TEX9: variants seen among roughly 807,000 people sequenced by gnomAD.
The protein encoded by TEX9 is testis expressed 9, also known as testis-expressed protein 9.
In TEX9, 74 loss-of-function variants were observed where a neutral mutation model predicts 59.6. The observed-to-expected ratio is 1.24, with a 90% CI of 1.03 to 1.51. TEX9 has a LOEUF of 1.51. Among genes scored for constraint, TEX9 ranks in the 40% most tolerant of loss-of-function variants. The pLI, the probability that TEX9 is intolerant of heterozygous loss-of-function variation, is 0.00. For synonymous variants in TEX9, 186 were observed against 152.2 expected (o/e 1.22, Z -1.64); for missense variants, 522 against 447.8 (o/e 1.17, Z -1.49).
At chr15:56,303,633 G>A (rs2045411667) in intron 1 of TEX9, among the ~76,000 whole-genome samples, 1 of 151,740 alleles carries the variant, frequency 6.6e-6, no homozygotes, top group Non-Finnish European at 1.5e-5. Context: ...TAAAGAACTA[G>A]AAAAGCAAAA....
chr15:56,448,561 T>A (rs1567152599), downstream of TEX9, among the ~76,000 whole-genome samples: 1 of 152,190 alleles, frequency 6.6e-6, no homozygotes, highest in Admixed American at 6.5e-5. Context: ...GCAAAGGACA[T>A]AATTTCATTG....
At chr15:56,442,771 A>ACTACCTAT (rs1197270863) in intron 12 of TEX9, among the ~76,000 whole-genome samples, 2 of 152,126 alleles carry the variant, frequency 1.3e-5, no homozygotes, top group Non-Finnish European at 2.9e-5. Context: ...GGATCAATAA[A>ACTACCTAT]CTACCTATCG....
chr15:56,412,213 G>A, intron 9 of TEX9, 89 bp from the exon 10 acceptor site: 1 of 1,250,774 alleles, frequency 8.0e-7, no homozygotes. Flanking sequence ...GAGAAAGCAA[G>A]GAATATGGAT....
At chr15:56,272,104 A>T (rs2044548807) in intron 1 of TEX9, among the ~76,000 whole-genome samples, 1 of 151,910 alleles carries the variant, frequency 6.6e-6, no homozygotes, top group Non-Finnish European at 1.5e-5. Context: ...AGATCGCGCC[A>T]CTGCAGTCCA....
the TEX9 span, among the ~76,000 whole-genome samples, chr15:56,452,744 T>A: frequency 6.6e-6 from 1 of 152,100 alleles, no homozygotes; most frequent in East Asian, 1.9e-4. Flanking sequence ...GGTCTCGATC[T>A]CCTGACCCTG....
intron 1 of TEX9, among the ~76,000 whole-genome samples, chr15:56,252,744 C>T (rs975528588): frequency 2.0e-5 from 3 of 152,036 alleles, no homozygotes; most frequent in African/African-American, 7.2e-5. Flanking sequence ...GGAGATCCCC[C>T]GGGCTTCCAA....
Position 56,390,596 on chromosome 15 carries a change from G to A in TEX9, c.396-647G>A, listed in dbSNP as rs114148529. Among the ~76,000 whole-genome samples, 418 of 152,100 alleles carry A rather than the reference G, an allele frequency of 2.7e-3. 6 individuals are homozygous for A. The highest frequency in any genetic ancestry group is 9.6e-3 in the African/African-American group (398 of 41,502). On this transcript the variant is annotated intron_variant, in intron 6 of 12. Coordinates refer to ENST00000352903, the Ensembl canonical transcript of TEX9. ...TGAATTAGGCCTGGACTATTCCTCA[G>A]TGCCTTTAGAAATGAGTTTGATTTT...
chr15:56,359,900 A>T (rs959660880), intron 1 of TEX9, among the ~76,000 whole-genome samples: 1 of 152,130 alleles, frequency 6.6e-6, no homozygotes, highest in Non-Finnish European at 1.5e-5. Flanking sequence ...CAACTTGAGG[A>T]TATTTCCCTG....
At chr15:56,284,039 G>A (rs2044881640) in intron 1 of TEX9, among the ~76,000 whole-genome samples, 1 of 152,188 alleles carries the variant, frequency 6.6e-6, no homozygotes, top group South Asian at 2.1e-4. Context: ...TATTATTAAT[G>A]AGACTTCATT....
chr15:56,277,804 G>A lies in TEX9; in HGVS notation c.-107+33526G>A, dbSNP rs142030371. Among the ~76,000 whole-genome samples, 298 of 152,328 alleles carry A rather than the reference G, an allele frequency of 2.0e-3. 5 individuals carry two copies. The highest frequency in any genetic ancestry group is 6.8e-3 in the African/African-American group (284 of 41,572). ...GAAGAAACCAGCCACAATTTAACCAGATTAGATTTCAACAAGGAGATGACT... is the reference window on the plus strand; with the variant it reads ...GAAGAAACCAGCCACAATTTAACCAAATTAGATTTCAACAAGGAGATGACT... On this transcript the variant is annotated intron_variant, in intron 1 of 5. Transcript: ENST00000560827.
intron 9 of TEX9, among the ~76,000 whole-genome samples, chr15:56,399,609 G>C (rs1182171656): frequency 6.6e-6 from 1 of 152,222 alleles, no homozygotes; most frequent in Non-Finnish European, 1.5e-5. Flanking sequence ...GGGAGCAGTG[G>C]TTCTCCCAGC....
chr15:56,327,525 CT>C (rs1187133108), intron 1 of TEX9, among the ~76,000 whole-genome samples: 2 of 152,130 alleles, frequency 1.3e-5, no homozygotes, highest in Non-Finnish European at 2.9e-5. Flanking sequence ...CAAAAAACAC[CT>C]TTATAAGAAC....
chr15:56,344,647 G>T (rs12439083), intron 1 of TEX9, among the ~76,000 whole-genome samples: 6,688 of 152,048 alleles, frequency 0.044, 223 homozygotes, highest in Admixed American at 0.086. Context: ...TGGGTGAATT[G>T]TGTATTATAT....
chr15:56,404,956 G>A (rs2049002412), intron 9 of TEX9, among the ~76,000 whole-genome samples: 1 of 152,076 alleles, frequency 6.6e-6, no homozygotes, highest in Non-Finnish European at 1.5e-5. Context: ...CACAGGGCGG[G>A]AACATCACAC....
At chr15:56,318,434 A>T (rs1202468043) in intron 1 of TEX9, among the ~76,000 whole-genome samples, 1 of 151,996 alleles carries the variant, frequency 6.6e-6, no homozygotes, top group Non-Finnish European at 1.5e-5. Flanking sequence ...ATATCGTTGG[A>T]TCATGTTTTT....
intron 3 of TEX9, chr15:56,374,155 T>C (rs1409367706): frequency 1.3e-5 from 2 of 152,086 alleles, no homozygotes; most frequent in Non-Finnish European, 1.5e-5. Flanking sequence ...ATCTTTTAGT[T>C]TTTGCCAGTG....
At chr15:56,300,685 CAGAGAGAGAGAGAGAGAGAGAGGGAG>C (rs2045325362) in intron 1 of TEX9, among the ~76,000 whole-genome samples, 1 of 115,636 alleles carries the variant, frequency 8.6e-6, no homozygotes, top group African/African-American at 3.9e-5. Context: ...AGCAACTCAG[CAGAGAGAGAGAGAGAGAGAGAGGGAG>C]AGAGAGAGAG....
upstream of TEX9, among the ~76,000 whole-genome samples, chr15:56,364,320 AT>A (rs77946095): frequency 1.4e-3 from 199 of 144,234 alleles, no homozygotes; most frequent in Non-Finnish European, 1.5e-3. Flanking sequence ...CACCCGGCTA[AT>A]TTTTTTTTTT....
chr15:56,342,884 C>G (rs575341245), intron 1 of TEX9, among the ~76,000 whole-genome samples: 1 of 152,218 alleles, frequency 6.6e-6, no homozygotes, highest in Admixed American at 6.5e-5. Context: ...TACCTAAGTC[C>G]AAACATTGTT....
Sources: gnomAD v4.1 joint callset for allele counts (sites outside exome capture counted in the v4.1 genomes callset) on GRCh38, gnomAD v4.1.1 for gene constraint, MANE v1.5 for transcripts, NCBI Gene and HGNC (gene_info 2026-07-23, HGNC 2026-07-21) for gene names.